Variants in PTPRT observed in about 807,000 individuals in gnomAD.
The protein encoded by PTPRT is receptor-type tyrosine-protein phosphatase T.
In PTPRT, 56 loss-of-function variants were observed where a neutral mutation model predicts 176.8. The ratio of observed to expected loss-of-function variants is 0.32; its 90% CI spans 0.26 to 0.40. The LOEUF (loss-of-function observed/expected upper bound fraction) is 0.40. Among genes scored for constraint, PTPRT ranks in the 10% least tolerant of loss-of-function variants. PTPRT has a pLI of 1.00. For missense variants in PTPRT, 1,540 were observed against 1,908.2 expected (o/e 0.81, Z 3.60); for synonymous variants, 783 against 739.0 (o/e 1.06, Z -0.96).
intron 1 of PTPRT, among the ~76,000 whole-genome samples, chr20:43,130,702 C>T (rs763899891): frequency 5.3e-5 from 8 of 151,526 alleles, no homozygotes; most frequent in Non-Finnish European, 7.4e-5. Flanking sequence ...AAAATCTGTT[C>T]GTCATGCTGA....
In PTPRT at chr20:43,148,114, T is replaced by C. The variant is rs530427366; in HGVS notation, c.88+41532A>G. Among the ~76,000 whole-genome samples the C allele has an allele frequency of 9.2e-5, 14 of 152,232 alleles. No individual in the cohort carries two copies. The South Asian group carries it at 2.9e-3, about 32-fold the overall frequency. The stretch of plus-strand genomic sequence containing the variant: ...TTGACATTTCCATACCCTGGGCTGG[T>C]TGGGTGGGGGGATCTGCCTCCATGT... On this transcript the variant is annotated intron_variant, in intron 1 of 30. Transcript: ENST00000373187.
At chr20:42,216,736 T>C (rs961063304) in intron 15 of PTPRT, among the ~76,000 whole-genome samples, 4 of 152,240 alleles carry the variant, frequency 2.6e-5, no homozygotes, top group African/African-American at 9.6e-5. Flanking sequence ...TCCCCGTGTC[T>C]ACGACTTGAC....
intron 15 of PTPRT, among the ~76,000 whole-genome samples, chr20:42,219,621 TG>T (rs1425616928): frequency 6.6e-6 from 1 of 152,240 alleles, no homozygotes; most frequent in Non-Finnish European, 1.5e-5. Flanking sequence ...ACTGAGTGCT[TG>T]CTGGGTGCCA....
At chr20:42,431,542 G>A (rs2059215835) in intron 9 of PTPRT, among the ~76,000 whole-genome samples, 1 of 152,214 alleles carries the variant, frequency 6.6e-6, no homozygotes, top group Non-Finnish European at 1.5e-5. Flanking sequence ...GGTAAAAGAT[G>A]TGTGCATATT....
intron 7 of PTPRT, among the ~76,000 whole-genome samples, chr20:42,604,110 A>G (rs947707519): frequency 3.9e-5 from 6 of 152,214 alleles, no homozygotes; most frequent in Non-Finnish European, 2.9e-5. Context: ...TGCGGAGCCC[A>G]TGTTGCAGGT....
rs549666386 is a variant in PTPRT at position 42,574,731 on chromosome 20, C to T, written c.1154-102169G>A. On this transcript the variant is annotated intron_variant, in intron 7 of 30. Transcript: ENST00000373187. ...TATGGTTTGGCTCTGTGTCCCCACTCAAATCTCATCTCGAATGGTAATCCC... is the reference window on the plus strand; with the variant it reads ...TATGGTTTGGCTCTGTGTCCCCACTTAAATCTCATCTCGAATGGTAATCCC... 1.4e-4 allele frequency among the ~76,000 whole-genome samples: 22 copies of T among 152,228 alleles called. No individual in the cohort carries two copies. In the South Asian group the frequency reaches 1.5e-3, roughly 10 times the overall value.
chr20:42,446,493 G>A (rs2070734391), intron 9 of PTPRT, among the ~76,000 whole-genome samples: 4 of 151,778 alleles, frequency 2.6e-5, no homozygotes, highest in African/African-American at 7.3e-5. Context: ...ACAGTATCAA[G>A]TAACTTAACT....
At position 42,897,814 on chromosome 20, in the gene PTPRT, C is replaced by G. The variant is rs147810814; in HGVS notation, c.89-11882G>C. ...ATCTGTAAAACTAGGATAATAGTGC[C>G]TAACTCTTAAGGCTGTTATGAGGAT... On this transcript the variant is annotated intron_variant, in intron 1 of 30. Transcript: ENST00000373187. Among the ~76,000 whole-genome samples, 4 of 152,294 alleles carry G rather than the reference C, an allele frequency of 2.6e-5. No homozygotes were observed. In the East Asian group the frequency reaches 7.7e-4, roughly 29 times the overall value.
intron 15 of PTPRT, among the ~76,000 whole-genome samples, chr20:42,200,974 A>G (rs1198145011): frequency 6.6e-6 from 1 of 152,254 alleles, no homozygotes; most frequent in African/African-American, 2.4e-5. Context: ...AGATAGTTTC[A>G]AGAGGTAACA....
rs62203778 is a variant in PTPRT, at chr20:42,557,563, C to T, written c.1154-85001G>A. 7.8e-3 allele frequency among the ~76,000 whole-genome samples: 1,188 copies of T among 152,310 alleles called. 9 individuals carry two copies. The highest frequency in any genetic ancestry group is 0.013 in the Admixed American group (206 of 15,294). The stretch of plus-strand genomic sequence containing the variant: ...GACAACTCTGCTACCAGAGGTCAAA[C>T]TATTAGCCCTTCTCACCATTTTTTT... On this transcript the variant is annotated intron_variant, in intron 7 of 30. Coordinates refer to ENST00000373187, the MANE Select transcript of PTPRT (RefSeq NM_007050.6).
At chr20:42,406,236 A>G (rs1221421918) in intron 9 of PTPRT, among the ~76,000 whole-genome samples, 1 of 152,044 alleles carries the variant, frequency 6.6e-6, no homozygotes, top group African/African-American at 2.4e-5. Flanking sequence ...GACATAAAGA[A>G]AAAACATGTA....
intron 2 of PTPRT, among the ~76,000 whole-genome samples, chr20:42,840,086 GT>G (rs2145722492): frequency 6.6e-6 from 1 of 152,302 alleles, no homozygotes; most frequent in Non-Finnish European, 1.5e-5. Flanking sequence ...AAAGCATGGT[GT>G]TGGCAGGACC....
At chr20:42,400,805 C>G (rs904014764) in intron 9 of PTPRT, among the ~76,000 whole-genome samples, 17 of 152,062 alleles carry the variant, frequency 1.1e-4, no homozygotes, top group Non-Finnish European at 2.9e-5. Context: ...GTGACATGAT[C>G]AAATGCACAT....
chr20:43,151,165 G>A (rs1300136823), intron 1 of PTPRT, among the ~76,000 whole-genome samples: 1 of 151,960 alleles, frequency 6.6e-6, no homozygotes, highest in Non-Finnish European at 1.5e-5. Context: ...AATTAGCCAG[G>A]CATGGTGGCT....
At chr20:43,062,258 G>A (rs1157514845) in intron 1 of PTPRT, among the ~76,000 whole-genome samples, 1 of 152,164 alleles carries the variant, frequency 6.6e-6, no homozygotes, top group Non-Finnish European at 1.5e-5. Context: ...ATATGTTTAT[G>A]CAAAAACAAA....
intron 15 of PTPRT, 60 bp downstream of exon 15, chr20:42,236,169 T>A: frequency 7.0e-7 from 1 of 1,423,148 alleles, no homozygotes; most frequent in Non-Finnish European, 9.8e-7. Flanking sequence ...GTGCAGGAAA[T>A]GCATGCTACA....
intron 1 of PTPRT, among the ~76,000 whole-genome samples, chr20:43,005,187 C>G (rs1984789241): frequency 6.6e-6 from 1 of 152,116 alleles, no homozygotes; most frequent in Non-Finnish European, 1.5e-5. Flanking sequence ...AGCTCTTCCT[C>G]CATTGGTTTC....
In PTPRT at chr20:42,077,068, A is replaced by T. The variant is rs575934335; in HGVS notation, c.*3811T>A. ...CTCCCCTAGGAGCCTTAGTTTCCTC[A>T]TCAGTAAATGGTGACAATCACAAAC... On this transcript the variant is annotated 3_prime_UTR_variant, in exon 31 of 31. Transcript: ENST00000373187. 5.4e-6 allele frequency: 1 copy of T among 184,074 alleles called. No individual in the cohort carries two copies. The highest frequency in any genetic ancestry group is 2.3e-5 in the African/African-American group (1 of 42,698). The allele number at this position is 184,074 out of a possible 1,614,324, so 11.4% of individuals were successfully genotyped here.
intron 1 of PTPRT, among the ~76,000 whole-genome samples, chr20:42,935,708 G>T (rs181844877): frequency 1.3e-5 from 2 of 151,594 alleles, no homozygotes; most frequent in East Asian, 1.9e-4. Flanking sequence ...CGTCTAGTCC[G>T]GTCTAGTCTA....
Sources: gnomAD v4.1 joint callset for allele counts (sites outside exome capture counted in the v4.1 genomes callset) on GRCh38, gnomAD v4.1.1 for gene constraint, MANE v1.5 for transcripts, NCBI Gene and HGNC (gene_info 2026-07-23, HGNC 2026-07-21) for gene names.